Variants in PEPD observed in about 807,000 individuals in gnomAD.
The protein encoded by PEPD is xaa-Pro dipeptidase.
A neutral mutation model predicts 60.7 loss-of-function variants in PEPD; 53 were observed. That is an observed-to-expected ratio of 0.87 (90% CI 0.70 to 1.10). The LOEUF (loss-of-function observed/expected upper bound fraction) is 1.10. PEPD is among the 50% of genes least tolerant of loss of function. The probability of loss-of-function intolerance (pLI) is 0.00; values close to 1 mark genes in which losing one functional copy is unlikely to be tolerated. For synonymous variants in PEPD, 267 were observed against 284.1 expected (o/e 0.94, Z 0.60); for missense variants, 711 against 711.9 (o/e 1.00, Z 0.01).
intron 9 of PEPD, among the ~76,000 whole-genome samples, chr19:33,422,813 C>T (rs750103207): frequency 4.2e-4 from 34 of 80,768 alleles, no homozygotes; most frequent in Non-Finnish European, 7.9e-4. Context: ...TCCATCCATC[C>T]TTCTATATCT....
chr19:33,388,350 C>A lies in PEPD; in HGVS notation c.1153-269G>T. 4.8e-6 allele frequency: 3 copies of A among 628,902 alleles called. No homozygotes were observed. In the South Asian group the frequency reaches 5.1e-5, roughly 11 times the overall value. The allele number at this position is 628,902 out of a possible 1,614,324, so 39.0% of individuals were successfully genotyped here. On this transcript the variant is annotated intron_variant, in intron 13 of 14. Transcript: ENST00000244137. ...CCCTGTGGCCACCCATGTGCACACA[C>A]CCGGGGCAAGCTGCCCAGACAGGCC... is the stretch of plus-strand genomic sequence containing the variant.
intron 1 of PEPD, among the ~76,000 whole-genome samples, chr19:33,520,976 C>T (rs1971120299): frequency 6.6e-6 from 1 of 152,234 alleles, no homozygotes; most frequent in Non-Finnish European, 1.5e-5. Flanking sequence ...CACCCCTGTC[C>T]CCAGAACACT....
At chr19:33,514,872 T>C (rs954713476) in intron 1 of PEPD, among the ~76,000 whole-genome samples, 2 of 152,072 alleles carry the variant, frequency 1.3e-5, no homozygotes, top group African/African-American at 2.4e-5. Context: ...CCTAGCCTCA[T>C]GTGCCTGCCT....
rs1055020997 is a variant in PEPD, at chr19:33,461,796, C to T, written c.671+1199G>A. Among the ~76,000 whole-genome samples the T allele has an allele frequency of 3.8e-4, 58 of 152,320 alleles. 1 individual carries two copies. Among genetic ancestry groups the T allele is most frequent in the Non-Finnish European group, 2.4e-4 (16 of 68,026 alleles). ...GCACTGCAGAAGGAGACCACGCAGACGCAAGTGCTGGGATAGCTCTGCGAG... is the reference window on the plus strand; with the variant it reads ...GCACTGCAGAAGGAGACCACGCAGATGCAAGTGCTGGGATAGCTCTGCGAG... On this transcript the variant is annotated intron_variant, in intron 9 of 14. Coordinates refer to ENST00000244137, the MANE Select transcript of PEPD (RefSeq NM_000285.4).
intron 4 of PEPD, among the ~76,000 whole-genome samples, chr19:33,496,769 G>A (rs1970612948): frequency 6.6e-6 from 1 of 152,254 alleles, no homozygotes; most frequent in Non-Finnish European, 1.5e-5. Context: ...GGCAGATGGA[G>A]CTGGATGGTC....
chr19:33,393,597 TCA>T (rs1968290335), intron 12 of PEPD, among the ~76,000 whole-genome samples: 1 of 148,654 alleles, frequency 6.7e-6, no homozygotes, highest in African/African-American at 2.6e-5. Context: ...GGGGTTGCTC[TCA>T]GAGCCTCTGT....
At chr19:33,394,298 G>A (rs865824858) in intron 12 of PEPD, among the ~76,000 whole-genome samples, 5 of 152,260 alleles carry the variant, frequency 3.3e-5, no homozygotes, top group Admixed American at 6.5e-5. Context: ...AGTGGGCTAC[G>A]TTCTTGGCCC....
intron 4 of PEPD, among the ~76,000 whole-genome samples, chr19:33,498,546 T>C (rs1000545533): frequency 6.6e-6 from 1 of 152,190 alleles, no homozygotes; most frequent in Non-Finnish European, 1.5e-5. Context: ...TGGCTCGGAC[T>C]CAGCAGCTGA....
At chr19:33,502,321 G>A (rs1239797035) in intron 3 of PEPD, among the ~76,000 whole-genome samples, 1 of 152,134 alleles carries the variant, frequency 6.6e-6, no homozygotes, top group Non-Finnish European at 1.5e-5. Flanking sequence ...GTCCCAAATA[G>A]GCCTCAGACA....
intron 9 of PEPD, among the ~76,000 whole-genome samples, chr19:33,455,352 A>C (rs920065544): frequency 6.6e-6 from 1 of 152,112 alleles, no homozygotes; most frequent in Non-Finnish European, 1.5e-5. Flanking sequence ...CACGTGGAAA[A>C]GGCCAAGGGA....
intron 3 of PEPD, among the ~76,000 whole-genome samples, chr19:33,505,178 A>T (rs1970775954): frequency 6.6e-6 from 1 of 152,184 alleles, no homozygotes; most frequent in South Asian, 2.1e-4. Context: ...GCCAAATTAC[A>T]GCCATCACCA....
intron 8 of PEPD, 149 bp downstream of exon 8, chr19:33,463,838 A>G: frequency 1.4e-6 from 1 of 704,694 alleles, no homozygotes; most frequent in South Asian, 1.5e-5. Context: ...AGGGAACAGA[A>G]AAGAGAACAA....
chr19:33,464,061 G>A lies in PEPD; in HGVS notation c.550C>T (p.Arg184Ter), dbSNP rs375391662. The change falls in exon 8 of 15, where the codon CGA becomes TGA. Residue 184 changes from arginine (R) to a stop codon, truncating the protein, a stop_gained and splice_region_variant. Coordinates refer to ENST00000244137, the MANE Select transcript of PEPD (RefSeq NM_000285.4). LOFTEE classifies it high-confidence loss of function. ...TILHPEIVEC[R>*]VFKTDMELEV... ...AGCTCCATATCCGTCTTAAACACTCGGCTTCAGAGACAGAAGAACAAAGCA... is the reference window on the plus strand; with the variant it reads ...AGCTCCATATCCGTCTTAAACACTCAGCTTCAGAGACAGAAGAACAAAGCA... 5.8e-5 allele frequency: 93 copies of A among 1,610,522 alleles called. No individual in the cohort carries two copies. Among genetic ancestry groups the A allele is most frequent in the Middle Eastern group, 1.6e-4 (1 of 6,080 alleles).
chr19:33,496,163 AC>A (rs1422603411), intron 4 of PEPD, among the ~76,000 whole-genome samples: 1 of 152,164 alleles, frequency 6.6e-6, no homozygotes, highest in Non-Finnish European at 1.5e-5. Context: ...CCCGTCAATT[AC>A]AGCAGCTGAA....
intron 9 of PEPD, among the ~76,000 whole-genome samples, chr19:33,424,851 T>C (rs1036779572): frequency 6.6e-6 from 1 of 152,032 alleles, no homozygotes; most frequent in Non-Finnish European, 1.5e-5. Context: ...TGCGAACCAG[T>C]GGAAGGGGTT....
intron 7 of PEPD, among the ~76,000 whole-genome samples, chr19:33,475,510 T>A (rs8104396): frequency 1.1e-3 from 166 of 152,132 alleles, no homozygotes; most frequent in African/African-American, 3.9e-3. Flanking sequence ...TGCCATCAAC[T>A]TTCTGCTGCT....
rs544777953 is a variant in PEPD at position 33,439,436 on chromosome 19, G to A, written c.671+23559C>T. On this transcript the variant is annotated intron_variant, in intron 9 of 14. Coordinates refer to ENST00000244137, the MANE Select transcript of PEPD (RefSeq NM_000285.4). ...TCAGGCATAGGCGGGTCCGAGTAAA[G>A]ACTCCTCCCCTTTGTGCACATGGGC... 8.5e-5 allele frequency among the ~76,000 whole-genome samples: 13 copies of A among 152,350 alleles called. No individual in the cohort carries two copies. In the East Asian group the frequency reaches 2.5e-3, roughly 29 times the overall value.
chr19:33,504,314 G>A (rs1970761493), intron 3 of PEPD, among the ~76,000 whole-genome samples: 1 of 152,228 alleles, frequency 6.6e-6, no homozygotes, highest in African/African-American at 2.4e-5. Context: ...TGGCTGGAGA[G>A]GCCCCTGAGG....
chr19:33,502,639 A>G (rs1200160289), intron 3 of PEPD, among the ~76,000 whole-genome samples: 2 of 152,046 alleles, frequency 1.3e-5, no homozygotes, highest in Non-Finnish European at 2.9e-5. Context: ...GCAGAAGTGA[A>G]GTTACAAAGG....
Sources: gnomAD v4.1 joint callset for allele counts (sites outside exome capture counted in the v4.1 genomes callset) on GRCh38, gnomAD v4.1.1 for gene constraint, MANE v1.5 for transcripts, NCBI Gene and HGNC (gene_info 2026-07-23, HGNC 2026-07-21) for gene names.